Variants in FUT8 observed in about 807,000 individuals in gnomAD.
The protein encoded by FUT8 is alpha-(1,6)-fucosyltransferase.
A neutral mutation model predicts 71.3 loss-of-function variants in FUT8; 29 were observed. The observed-to-expected ratio is 0.41, with a 90% confidence interval of 0.30 to 0.55. The LOEUF (loss-of-function observed/expected upper bound fraction) is 0.55, where lower values mean the gene tolerates loss of function less well. Among genes scored for constraint, FUT8 ranks in the 20% least tolerant of loss-of-function variants. FUT8 has a pLI of 0.34. For synonymous variants in FUT8, 254 were observed against 239.3 expected (o/e 1.06, Z -0.57); for missense variants, 544 against 702.1 (o/e 0.77, Z 2.55).
intron 6 of FUT8, among the ~76,000 whole-genome samples, chr14:65,665,003 C>G (rs1892141468): frequency 6.6e-6 from 1 of 151,916 alleles, no homozygotes; most frequent in Non-Finnish European, 1.5e-5. Flanking sequence ...GTTAGCTAAA[C>G]ATTTGCTGTC....
chr14:65,566,263 C>T (rs920070289), intron 3 of FUT8, among the ~76,000 whole-genome samples: 1 of 151,944 alleles, frequency 6.6e-6, no homozygotes, highest in Admixed American at 6.6e-5. Flanking sequence ...CCTCTTGAGA[C>T]TGAGCATCAG....
chr14:65,714,414 A>G (rs976684886), intron 7 of FUT8, among the ~76,000 whole-genome samples: 12 of 145,592 alleles, frequency 8.2e-5, no homozygotes, highest in African/African-American at 1.0e-4. Context: ...GTGGTTCCAT[A>G]TAAATTTTAT....
At chr14:65,616,942 TA>T in intron 5 of FUT8, 1 of 910,838 alleles carries the variant, frequency 1.1e-6, no homozygotes, top group Non-Finnish European at 1.5e-6. Flanking sequence ...CACACGTTGC[TA>T]AATAATATGA....
chr14:65,500,348 CATT>C (rs1343324603), intron 2 of FUT8, among the ~76,000 whole-genome samples: 1 of 152,046 alleles, frequency 6.6e-6, no homozygotes, highest in Non-Finnish European at 1.5e-5. Context: ...TCGTCGTCAT[CATT>C]GTCGTCATCA....
chr14:65,647,188 A>T (rs978105409), intron 6 of FUT8, among the ~76,000 whole-genome samples: 3 of 152,222 alleles, frequency 2.0e-5, no homozygotes, highest in Non-Finnish European at 2.9e-5. Flanking sequence ...TTGATAGATG[A>T]TAAAATACCC....
rs1444462306 is a variant in FUT8 at position 65,524,369 on chromosome 14, CTGTT to C, written c.-227-36964_-227-36961del. 3.9e-5 allele frequency among the ~76,000 whole-genome samples: 6 copies of C among 152,092 alleles called. No homozygotes were observed. In the South Asian group the frequency reaches 8.3e-4, roughly 21 times the overall value. Reference sequence around the variant, plus strand: ...GGGAGTTCACCCATGATTTGGCTCTCTGTTTGTCTGTTATTGGTGTGTAAGAATG... The same window carrying C: ...GGGAGTTCACCCATGATTTGGCTCTCTGTCTGTTATTGGTGTGTAAGAATG... On this transcript the variant is annotated intron_variant, in intron 2 of 10. Coordinates refer to ENST00000673929, the MANE Select transcript of FUT8 (RefSeq NM_001371533.1).
At chr14:65,724,456 A>G (rs1042377066) in intron 9 of FUT8, 133 bp downstream of exon 9, 2 of 592,782 alleles carry the variant, frequency 3.4e-6, no homozygotes, top group African/African-American at 1.9e-5. Context: ...TCAATGGACT[A>G]TGTACTTGTG....
At chr14:65,530,780 G>A (rs539585267) in intron 2 of FUT8, among the ~76,000 whole-genome samples, 1 of 150,460 alleles carries the variant, frequency 6.6e-6, no homozygotes, top group Non-Finnish European at 1.5e-5. Flanking sequence ...TGGTGCTCTT[G>A]CGTGTATGCT....
intron 3 of FUT8, among the ~76,000 whole-genome samples, chr14:65,569,448 G>A (rs1284362322): frequency 1.3e-5 from 2 of 151,336 alleles, no homozygotes; most frequent in Non-Finnish European, 3.0e-5. Flanking sequence ...CTATTGAACT[G>A]GCTTCCAACT....
chr14:65,725,875 T>A (rs1895659638), intron 9 of FUT8, among the ~76,000 whole-genome samples: 1 of 152,260 alleles, frequency 6.6e-6, no homozygotes, highest in Non-Finnish European at 1.5e-5. Context: ...CAGGTATTAA[T>A]CTAAGTCATT....
intron 2 of FUT8, among the ~76,000 whole-genome samples, chr14:65,474,677 C>T (rs779876125): frequency 1.3e-5 from 2 of 152,004 alleles, no homozygotes; most frequent in Non-Finnish European, 2.9e-5. Flanking sequence ...TTTATAAATC[C>T]ATGTGGCTTT....
At chr14:65,634,613 T>C (rs1323646641) in intron 6 of FUT8, among the ~76,000 whole-genome samples, 1 of 151,980 alleles carries the variant, frequency 6.6e-6, no homozygotes, top group East Asian at 1.9e-4. Context: ...CTTGTTTGCT[T>C]TGTTGAAGAT....
chr14:65,672,105 G>A (rs1231129583), intron 7 of FUT8, among the ~76,000 whole-genome samples: 1 of 152,094 alleles, frequency 6.6e-6, no homozygotes, highest in East Asian at 1.9e-4. Flanking sequence ...TATTATGGTT[G>A]GTGTCTATTT....
At chr14:65,393,835 A>G in the FUT8 span, among the ~76,000 whole-genome samples, 3 of 152,210 alleles carry the variant, frequency 2.0e-5, no homozygotes, top group Non-Finnish European at 4.4e-5. Flanking sequence ...GAGAGATTTA[A>G]TGGACTCACA....
intron 3 of FUT8, among the ~76,000 whole-genome samples, chr14:65,599,720 T>C (rs1440922998): frequency 6.6e-6 from 1 of 152,232 alleles, no homozygotes; most frequent in East Asian, 1.9e-4. Context: ...GCAGTGTTAT[T>C]ATCATTTACC....
At chr14:65,674,951 A>T (rs910116862) in intron 7 of FUT8, among the ~76,000 whole-genome samples, 12 of 152,234 alleles carry the variant, frequency 7.9e-5, no homozygotes, top group African/African-American at 2.9e-4. Context: ...TTGCAGGTAC[A>T]TAAGGACTTT....
the FUT8 span, among the ~76,000 whole-genome samples, chr14:65,375,959 C>T: frequency 2.0e-5 from 3 of 151,808 alleles, no homozygotes; most frequent in Admixed American, 6.6e-5. Flanking sequence ...GGCATGGTGG[C>T]GCATGCCTGT....
At chr14:65,476,190 G>A (rs912034463) in intron 2 of FUT8, among the ~76,000 whole-genome samples, 13 of 152,162 alleles carry the variant, frequency 8.5e-5, no homozygotes, top group Admixed American at 8.5e-4. Context: ...CAGCTGCCAA[G>A]TATATGTGAC....
chr14:65,465,237 T>C (rs1023274694), intron 2 of FUT8, among the ~76,000 whole-genome samples: 14 of 152,234 alleles, frequency 9.2e-5, no homozygotes, highest in African/African-American at 3.1e-4. Context: ...AATTAAAAGC[T>C]TAGATGATTA....
Sources: gnomAD v4.1 joint callset for allele counts (sites outside exome capture counted in the v4.1 genomes callset) on GRCh38, gnomAD v4.1.1 for gene constraint, MANE v1.5 for transcripts, NCBI Gene and HGNC (gene_info 2026-07-23, HGNC 2026-07-21) for gene names.